Variants in DEPTOR observed in about 807,000 individuals in gnomAD.
DEPTOR encodes the protein DEP domain-containing mTOR-interacting protein.
Under a neutral mutation model 41.6 loss-of-function variants are expected in DEPTOR, and 41 were observed. The observed-to-expected ratio is 0.98, with a 90% CI of 0.77 to 1.28. The LOEUF is 1.28. DEPTOR is among the 50% of genes most tolerant of loss of function. The probability of loss-of-function intolerance (pLI) is 0.00; values close to 1 mark genes in which losing one functional copy is unlikely to be tolerated. For missense variants in DEPTOR, 514 were observed against 527.9 expected, an observed-to-expected ratio of 0.97 and a Z score of 0.26; for synonymous variants, 195 against 192.3, an observed-to-expected ratio of 1.01 and a Z score of -0.12.
Position 119,885,205 on chromosome 8 carries a change from T to C in DEPTOR, c.122+11237T>C, listed in dbSNP as rs545350631. Among the ~76,000 whole-genome samples the C allele has an allele frequency of 2.6e-5, 4 of 152,284 alleles. No individual in the cohort carries two copies. The South Asian group carries it at 6.2e-4, about 24-fold the overall frequency. On this transcript the variant is annotated intron_variant, in intron 1 of 8. Transcript: ENST00000286234. ...TTATTTTTTCTCTTTAACTTTTCTA[T>C]ATATGAAAGTGATGTACACAGAATA...
chr8:119,955,885 G>A (rs1298966964), intron 3 of DEPTOR, among the ~76,000 whole-genome samples: 1 of 152,166 alleles, frequency 6.6e-6, no homozygotes, highest in Non-Finnish European at 1.5e-5. Flanking sequence ...AAGAAGGAAG[G>A]GGAGGGTGCG....
intron 1 of DEPTOR, among the ~76,000 whole-genome samples, chr8:119,903,309 G>T (rs1220248290): frequency 6.6e-6 from 1 of 152,106 alleles, no homozygotes; most frequent in African/African-American, 2.4e-5. Context: ...TGTTAGCCAG[G>T]CTGGTCTCAA....
chr8:119,991,047 T>C, intron 4 of DEPTOR, among the ~76,000 whole-genome samples: 1 of 20,672 alleles, frequency 4.8e-5, no homozygotes, highest in South Asian at 1.2e-3. Context: ...TCTTTCTTTC[T>C]TTCTTTCTTT....
At chr8:119,996,659 C>G (rs1812263948) in intron 4 of DEPTOR, among the ~76,000 whole-genome samples, 1 of 152,110 alleles carries the variant, frequency 6.6e-6, no homozygotes, top group African/African-American at 2.4e-5. Flanking sequence ...AGTCAAATTT[C>G]TATTTCATTT....
intron 1 of DEPTOR, chr8:119,874,598 AAGG>A (rs1196917658): frequency 6.6e-6 from 1 of 152,114 alleles, no homozygotes; most frequent in Non-Finnish European, 1.5e-5. Flanking sequence ...TTGGGTCCGC[AAGG>A]GGGCGTGGAG....
At position 120,030,499 on chromosome 8, in the gene DEPTOR, T is replaced by TTTTTTG. The variant is rs1482595736; in HGVS notation, c.1102-19072_1102-19071insGTTTTT. On this transcript the variant is annotated intron_variant, in intron 8 of 8. Coordinates refer to ENST00000286234, the MANE Select transcript of DEPTOR (RefSeq NM_022783.4). The stretch of plus-strand genomic sequence containing the variant: ...TGATGTATTGTGTAGGTTCATCAGT[T>TTTTTTG]TTTTTTTTTTTTTTTTTTTTTTTTT... 5.4e-5 allele frequency among the ~76,000 whole-genome samples: 4 copies of TTTTTTG among 74,566 alleles called. 1 individual carries two copies. The highest frequency in any genetic ancestry group is 9.9e-5 in the Non-Finnish European group (4 of 40,402). 48.9% of individuals were successfully genotyped at this position (74,566 alleles called of 152,430 possible). A position where few individuals can be genotyped will look rare whatever the true frequency, so the allele number is the denominator to read the frequency against.
chr8:119,897,842 A>G, intron 1 of DEPTOR, among the ~76,000 whole-genome samples: 1 of 152,228 alleles, frequency 6.6e-6, no homozygotes, highest in East Asian at 1.9e-4. Flanking sequence ...TATTTGAGGT[A>G]CATGCATTTG....
chr8:119,883,894 A>G (rs947682781), intron 1 of DEPTOR, among the ~76,000 whole-genome samples: 2 of 152,196 alleles, frequency 1.3e-5, no homozygotes, highest in African/African-American at 4.8e-5. Flanking sequence ...TTACAGCTAT[A>G]GAGAACAGAA....
intron 1 of DEPTOR, among the ~76,000 whole-genome samples, chr8:119,891,615 C>G (rs909708047): frequency 6.6e-6 from 1 of 152,142 alleles, no homozygotes; most frequent in African/African-American, 2.4e-5. Flanking sequence ...CAAACCATTC[C>G]CTTACTTGGA....
intron 8 of DEPTOR, among the ~76,000 whole-genome samples, chr8:120,019,635 G>A (rs1308478141): frequency 6.6e-6 from 1 of 152,164 alleles, no homozygotes; most frequent in Admixed American, 6.6e-5. Flanking sequence ...TCCTCATAGG[G>A]TTGGTGAAGG....
intron 6 of DEPTOR, among the ~76,000 whole-genome samples, chr8:120,006,132 A>G (rs1812433164): frequency 6.6e-6 from 1 of 152,068 alleles, no homozygotes; most frequent in Non-Finnish European, 1.5e-5. Context: ...TAATATATTC[A>G]CCTCACATGG....
intron 1 of DEPTOR, among the ~76,000 whole-genome samples, chr8:119,893,594 C>T (rs906919546): frequency 2.0e-5 from 3 of 152,040 alleles, no homozygotes; most frequent in African/African-American, 4.8e-5. Context: ...TTTGGGAGAC[C>T]GCAGTAGGTG....
intron 1 of DEPTOR, among the ~76,000 whole-genome samples, chr8:119,927,830 C>T (rs1331545804): frequency 6.6e-6 from 1 of 151,842 alleles, no homozygotes; most frequent in East Asian, 1.9e-4. Context: ...TGGTCTCAAA[C>T]TCCTGACCTC....
chr8:120,038,222 T>C (rs1483109966), intron 8 of DEPTOR, among the ~76,000 whole-genome samples: 1 of 150,430 alleles, frequency 6.6e-6, no homozygotes, highest in African/African-American at 2.5e-5. Flanking sequence ...TGAGCTGAGA[T>C]TGTGCCACTG....
rs35455263 is a variant in DEPTOR at position 119,951,072 on chromosome 8, A to AACAC, written c.426-14140_426-14137dup. On this transcript the variant is annotated intron_variant, in intron 3 of 8. Coordinates refer to ENST00000286234, the MANE Select transcript of DEPTOR (RefSeq NM_022783.4). ...ACACTATCTAATATACACACACACAAACACACACACACACACACACACATC... is the reference window on the plus strand; with the variant it reads ...ACACTATCTAATATACACACACACAAACACACACACACACACACACACACACATC... Among the ~76,000 whole-genome samples the AACAC allele has an allele frequency of 2.3e-3, 322 of 141,520 alleles. 2 individuals carry two copies. The highest frequency in any genetic ancestry group is 7.2e-3 in the Middle Eastern group (2 of 276). 92.8% of individuals were successfully genotyped at this position (141,520 alleles called of 152,430 possible).
At position 119,916,276 on chromosome 8, in the gene DEPTOR, T is replaced by G. The variant is rs1400407284; in HGVS notation, c.123-12124T>G. On this transcript the variant is annotated intron_variant, in intron 1 of 8. Coordinates refer to ENST00000286234, the MANE Select transcript of DEPTOR (RefSeq NM_022783.4). ...CACCAGGCTAGGCTAATTTTTTTTTTTTTTTTTTTTTTTTTTTTTTTTTTT... is the reference window on the plus strand; with the variant it reads ...CACCAGGCTAGGCTAATTTTTTTTTGTTTTTTTTTTTTTTTTTTTTTTTTT... 3.1e-3 allele frequency among the ~76,000 whole-genome samples: 450 copies of G among 145,810 alleles called. 11 individuals are homozygous for G. The highest frequency in any genetic ancestry group is 0.011 in the African/African-American group (423 of 39,096).
chr8:120,010,082 G>T (rs1478132978), intron 8 of DEPTOR, among the ~76,000 whole-genome samples: 1 of 152,092 alleles, frequency 6.6e-6, no homozygotes, highest in Non-Finnish European at 1.5e-5. Context: ...CAGAGATCTG[G>T]AGATCTAGAT....
intron 8 of DEPTOR, among the ~76,000 whole-genome samples, chr8:120,035,235 G>C (rs765201583): frequency 6.6e-6 from 1 of 151,966 alleles, no homozygotes. Flanking sequence ...TGGGAGGATC[G>C]CTTGAACTTG....
At chr8:119,917,539 G>A in intron 1 of DEPTOR, among the ~76,000 whole-genome samples, 1 of 152,204 alleles carries the variant, frequency 6.6e-6, no homozygotes, top group East Asian at 1.9e-4. Flanking sequence ...AGCTCGTTAA[G>A]AGTCATCACC....
Sources: allele counts gnomAD v4.1 joint callset (sites outside exome capture counted in the v4.1 genomes callset), GRCh38; gene constraint gnomAD v4.1.1; transcripts MANE v1.5; gene names NCBI Gene and HGNC (gene_info 2026-07-23, HGNC 2026-07-21).